The following RTN1 variants were observed in gnomAD, a reference collection of about 807,000 sequenced individuals.
RTN1 encodes reticulon 1.
A neutral mutation model predicts 65.5 loss-of-function variants in RTN1; 25 were observed. The ratio of observed to expected loss-of-function variants is 0.38; its 90% CI spans 0.28 to 0.53. The LOEUF (loss-of-function observed/expected upper bound fraction) is 0.53. RTN1 is among the 20% of genes least tolerant of loss of function. RTN1 has a pLI of 0.79. For missense variants in RTN1, 983 were observed against 1,025.4 expected (o/e 0.96, Z 0.57); for synonymous variants, 471 against 447.6 (o/e 1.05, Z -0.66).
chr14:59,847,041 T>G (rs1480405561), intron 1 of RTN1, among the ~76,000 whole-genome samples: 1 of 152,218 alleles, frequency 6.6e-6, no homozygotes, highest in Admixed American at 6.5e-5. Context: ...CCTCTCTGAA[T>G]AGCCTTCCCT....
At chr14:59,797,922 T>A (rs1449546030) in intron 1 of RTN1, among the ~76,000 whole-genome samples, 2 of 152,172 alleles carry the variant, frequency 1.3e-5, no homozygotes, top group African/African-American at 4.8e-5. Flanking sequence ...AAATACGAGT[T>A]TAGTTAGTAA....
intron 1 of RTN1, among the ~76,000 whole-genome samples, chr14:59,822,131 A>G (rs974865466): frequency 2.0e-5 from 3 of 152,196 alleles, no homozygotes; most frequent in East Asian, 3.8e-4. Context: ...CTGTGAATCC[A>G]TCTGGCCTGG....
intron 3 of RTN1, among the ~76,000 whole-genome samples, chr14:59,662,178 T>C (rs1883263780): frequency 6.6e-6 from 1 of 151,932 alleles, no homozygotes; most frequent in Non-Finnish European, 1.5e-5. Context: ...TTTTTTATTA[T>C]ACTTTAAGTT....
intron 2 of RTN1, among the ~76,000 whole-genome samples, chr14:59,735,094 A>C (rs557811034): frequency 2.3e-4 from 35 of 152,162 alleles, no homozygotes; most frequent in Non-Finnish European, 4.9e-4. Flanking sequence ...AACACTTCTA[A>C]AGAAAAGAAT....
At chr14:59,656,109 G>T (rs1457259039) in intron 3 of RTN1, among the ~76,000 whole-genome samples, 1 of 152,176 alleles carries the variant, frequency 6.6e-6, no homozygotes, top group Non-Finnish European at 1.5e-5. Flanking sequence ...TATGCTAGGA[G>T]AAAGAAGCTG....
chr14:59,624,557 G>C (rs1882341804), intron 3 of RTN1, among the ~76,000 whole-genome samples: 1 of 151,948 alleles, frequency 6.6e-6, no homozygotes, highest in Non-Finnish European at 1.5e-5. Flanking sequence ...TGCCCCCTGG[G>C]TTCAAGCAAT....
intron 1 of RTN1, among the ~76,000 whole-genome samples, chr14:59,854,639 C>CAAAAAAAA (rs552017689): frequency 2.8e-5 from 2 of 71,788 alleles, no homozygotes; most frequent in African/African-American, 6.8e-5. Context: ...GACTGCGTCT[C>CAAAAAAAA]AAAAAAAAAA....
At chr14:59,642,862 A>G (rs12434215) in intron 3 of RTN1, among the ~76,000 whole-genome samples, 50,873 of 152,072 alleles carry the variant, frequency 0.33, 10,558 homozygotes, top group Non-Finnish European at 0.44. Flanking sequence ...AATATCTTAT[A>G]GCATGATGGG....
chr14:59,852,614 A>T (rs1306193780), intron 1 of RTN1, among the ~76,000 whole-genome samples: 2 of 152,136 alleles, frequency 1.3e-5, no homozygotes, highest in East Asian at 3.8e-4. Flanking sequence ...ATTCACATAG[A>T]CCCATCATTA....
intron 1 of RTN1, among the ~76,000 whole-genome samples, chr14:59,804,452 C>A (rs1177459614): frequency 6.6e-6 from 1 of 152,002 alleles, no homozygotes; most frequent in Non-Finnish European, 1.5e-5. Context: ...ACCCTTAATG[C>A]CACAGTGATT....
intron 3 of RTN1, among the ~76,000 whole-genome samples, chr14:59,696,747 T>C (rs1009405193): frequency 2.0e-5 from 3 of 152,170 alleles, no homozygotes; most frequent in Non-Finnish European, 2.9e-5. Context: ...GGACAGAAGT[T>C]ATGCTTCCAA....
At chr14:59,726,898 T>C in intron 3 of RTN1, 21 bp downstream of exon 3, 1 of 1,597,476 alleles carries the variant, frequency 6.3e-7, no homozygotes, top group Middle Eastern at 1.7e-4. Context: ...TAACCAAGCA[T>C]CCCTGCTTGG....
chr14:59,854,909 T>G (rs2139668142), intron 1 of RTN1, among the ~76,000 whole-genome samples: 1 of 152,318 alleles, frequency 6.6e-6, no homozygotes, highest in East Asian at 1.9e-4. Context: ...GAACACATTG[T>G]AAGTGTTATA....
At chr14:59,839,774 G>GTT (rs528886045) in intron 1 of RTN1, among the ~76,000 whole-genome samples, 5 of 151,560 alleles carry the variant, frequency 3.3e-5, no homozygotes, top group Non-Finnish European at 7.4e-5. Flanking sequence ...TAACTCAGGT[G>GTT]TTTTTTTTTC....
At chr14:59,863,020 T>C (rs780210092) in intron 1 of RTN1, among the ~76,000 whole-genome samples, 4 of 152,088 alleles carry the variant, frequency 2.6e-5, no homozygotes, top group Non-Finnish European at 5.9e-5. Context: ...CTTTCCTCCA[T>C]TATAGCCATG....
intron 3 of RTN1, among the ~76,000 whole-genome samples, chr14:59,644,410 A>G (rs1396171795): frequency 6.6e-6 from 1 of 152,170 alleles, no homozygotes; most frequent in Non-Finnish European, 1.5e-5. Context: ...CCCTCAGGTC[A>G]AGAGATCACC....
chr14:59,661,080 C>A (rs928219895), intron 3 of RTN1, among the ~76,000 whole-genome samples: 2 of 151,844 alleles, frequency 1.3e-5, no homozygotes, highest in Admixed American at 6.6e-5. Context: ...CACAGAAATA[C>A]AAACTACTGT....
At chr14:59,787,469 C>G (rs113816350) in intron 1 of RTN1, among the ~76,000 whole-genome samples, 1,876 of 152,318 alleles carry the variant, frequency 0.012, 37 homozygotes, top group Non-Finnish European at 0.015. Flanking sequence ...CTCTCCTCCC[C>G]CTTGGTCAGC....
chr14:59,610,252 G>T, intron 3 of RTN1: 1 of 683,000 alleles, frequency 1.5e-6, no homozygotes. Context: ...GAAAGCATTA[G>T]CTAAGTAACA....
Sources: allele counts gnomAD v4.1 joint callset (sites outside exome capture counted in the v4.1 genomes callset), GRCh38; gene constraint gnomAD v4.1.1; transcripts MANE v1.5; gene names NCBI Gene and HGNC (gene_info 2026-07-23, HGNC 2026-07-21).